KCNIP4: variants seen among roughly 807,000 people sequenced by gnomAD.
The protein encoded by KCNIP4 is Kv channel-interacting protein 4.
In KCNIP4, 12 loss-of-function variants were observed where a neutral mutation model predicts 34.0. That is an observed-to-expected ratio of 0.35 (90% CI 0.23 to 0.57). KCNIP4 has a LOEUF of 0.57. Ranked by LOEUF, KCNIP4 falls within the 20% of genes least tolerant of loss-of-function variation. The probability of loss-of-function intolerance (pLI) is 0.83; values close to 1 mark genes in which losing one functional copy is unlikely to be tolerated. For synonymous variants in KCNIP4, 124 were observed against 102.2 expected, an observed-to-expected ratio of 1.21 and a Z score of -1.29; for missense variants, 238 against 311.7, an observed-to-expected ratio of 0.76 and a Z score of 1.78.
chr4:21,247,294 C>T (rs905210510), intron 1 of KCNIP4, among the ~76,000 whole-genome samples: 1 of 152,004 alleles, frequency 6.6e-6, no homozygotes, highest in African/African-American at 2.4e-5. Context: ...GTTAGCCATC[C>T]ATACCAGTCA....
chr4:21,765,159 T>C (rs1299069300), intron 1 of KCNIP4, among the ~76,000 whole-genome samples: 1 of 20,510 alleles, frequency 4.9e-5, no homozygotes, highest in Non-Finnish European at 1.2e-4. Context: ...GAAGAGAACC[T>C]TTTTTTTTTT....
chr4:21,813,382 C>A (rs978634572), intron 1 of KCNIP4, among the ~76,000 whole-genome samples: 1 of 152,084 alleles, frequency 6.6e-6, no homozygotes, highest in South Asian at 2.1e-4. Flanking sequence ...CTACCAACAA[C>A]ACAGAGAAAA....
intron 1 of KCNIP4, among the ~76,000 whole-genome samples, chr4:21,561,790 C>T (rs1312039127): frequency 6.6e-6 from 1 of 152,020 alleles, no homozygotes; most frequent in Non-Finnish European, 1.5e-5. Context: ...ACATACATTA[C>T]ATCCTTTAAT....
chr4:21,919,632 A>T (rs1728831179), intron 1 of KCNIP4, among the ~76,000 whole-genome samples: 1 of 152,176 alleles, frequency 6.6e-6, no homozygotes, highest in African/African-American at 2.4e-5. Context: ...TAGATAAATC[A>T]TGGGGTTCCC....
chr4:20,909,769 A>T (rs1560562794), intron 1 of KCNIP4, among the ~76,000 whole-genome samples: 1 of 151,808 alleles, frequency 6.6e-6, no homozygotes, highest in African/African-American at 2.4e-5. Flanking sequence ...TGTCTATTTC[A>T]TTTTTTTTCA....
At chr4:21,035,512 A>G (rs1741374382) in intron 1 of KCNIP4, among the ~76,000 whole-genome samples, 2 of 152,300 alleles carry the variant, frequency 1.3e-5, no homozygotes, top group South Asian at 2.1e-4. Flanking sequence ...CTCATGTTTC[A>G]TATTCCTTTG....
chr4:20,852,006 C>A (rs1185910951), intron 2 of KCNIP4, among the ~76,000 whole-genome samples: 1 of 150,944 alleles, frequency 6.6e-6, no homozygotes, highest in East Asian at 1.9e-4. Flanking sequence ...CAGCATGAGA[C>A]CCTGTCTCAA....
intron 1 of KCNIP4, among the ~76,000 whole-genome samples, chr4:21,325,442 A>G (rs991200489): frequency 2.6e-5 from 4 of 151,810 alleles, no homozygotes; most frequent in African/African-American, 9.7e-5. Flanking sequence ...CATCAGTTAT[A>G]ATGACTCATT....
In KCNIP4 at chr4:21,177,494, C is replaced by T. The variant is rs572943406; in HGVS notation, c.62-294785G>A. ...GGGCTCAAAACATGGCTATTAAATG[C>T]GTAAGTAAATATTTAATAACTACTT... On this transcript the variant is annotated intron_variant, in intron 1 of 8. Transcript: ENST00000382152. 5.3e-5 allele frequency among the ~76,000 whole-genome samples: 8 copies of T among 152,152 alleles called. No individual in the cohort carries two copies. In the East Asian group the frequency reaches 1.2e-3, roughly 22 times the overall value.
chr4:21,353,229 CA>C (rs1284225597), intron 1 of KCNIP4, among the ~76,000 whole-genome samples: 1 of 152,146 alleles, frequency 6.6e-6, no homozygotes, highest in Non-Finnish European at 1.5e-5. Context: ...AAAACCAGAG[CA>C]CCTCTTCTCC....
intron 1 of KCNIP4, among the ~76,000 whole-genome samples, chr4:20,982,590 T>C (rs1229389701): frequency 6.6e-6 from 1 of 152,238 alleles, no homozygotes; most frequent in Non-Finnish European, 1.5e-5. Flanking sequence ...ATAAAGAAGA[T>C]ACGAAGATTA....
chr4:21,734,417 T>C (rs1329945230), intron 1 of KCNIP4, among the ~76,000 whole-genome samples: 1 of 152,152 alleles, frequency 6.6e-6, no homozygotes, highest in Non-Finnish European at 1.5e-5. Flanking sequence ...ATTCAGATAA[T>C]TGGCATTCTT....
intron 1 of KCNIP4, chr4:21,845,652 C>T (rs1723970083): frequency 6.6e-6 from 1 of 151,968 alleles, no homozygotes; most frequent in African/African-American, 2.4e-5. Flanking sequence ...TTTCCGAGCA[C>T]CTTATATCAG....
chr4:20,912,499 G>GT (rs1728423774), intron 1 of KCNIP4, among the ~76,000 whole-genome samples: 2 of 151,988 alleles, frequency 1.3e-5, no homozygotes, highest in South Asian at 4.1e-4. Flanking sequence ...CAACTAAAGC[G>GT]TAAGTAAGCA....
chr4:20,986,116 C>T (rs1010205761), intron 1 of KCNIP4, among the ~76,000 whole-genome samples: 1 of 152,140 alleles, frequency 6.6e-6, no homozygotes, highest in Non-Finnish European at 1.5e-5. Context: ...TCTTCAGAGG[C>T]TCTGCAAGGT....
At chr4:21,934,906 G>A (rs1186663132) in intron 1 of KCNIP4, among the ~76,000 whole-genome samples, 1 of 152,042 alleles carries the variant, frequency 6.6e-6, no homozygotes, top group Non-Finnish European at 1.5e-5. Flanking sequence ...TCTTACCAGG[G>A]TATTCCTCTA....
rs56209007 is a variant in KCNIP4 at position 20,743,920 on chromosome 4, G to GA, written c.429+5741dup. On this transcript the variant is annotated intron_variant, in intron 5 of 8. Coordinates refer to ENST00000382152, the MANE Select transcript of KCNIP4 (RefSeq NM_025221.6). The stretch of plus-strand genomic sequence containing the variant: ...ATCTACAAAGAAATTAAATTTACAA[G>GA]AAAAAAAAAAACCCTTCAAAAAGTG... Among the ~76,000 whole-genome samples the GA allele has an allele frequency of 3.1e-3, 439 of 141,802 alleles. 1 individual carries two copies. The highest frequency in any genetic ancestry group is 9.2e-3 in the African/African-American group (354 of 38,514). 93.0% of individuals were successfully genotyped at this position (141,802 alleles called of 152,430 possible). A position where few individuals can be genotyped will look rare whatever the true frequency, so the allele number is the denominator to read the frequency against.
At chr4:20,903,413 C>A (rs552029551) in intron 1 of KCNIP4, among the ~76,000 whole-genome samples, 8 of 152,030 alleles carry the variant, frequency 5.3e-5, no homozygotes, top group Non-Finnish European at 1.0e-4. Context: ...TGGTTTGGTC[C>A]AGAAAGGCAG....
At chr4:20,734,093 C>T (rs1333212033) in intron 6 of KCNIP4, among the ~76,000 whole-genome samples, 1 of 152,184 alleles carries the variant, frequency 6.6e-6, no homozygotes, top group Non-Finnish European at 1.5e-5. Flanking sequence ...GGTTAACTTA[C>T]TCCATCCCTT....
Sources: gnomAD v4.1 joint callset for allele counts (sites outside exome capture counted in the v4.1 genomes callset) on GRCh38, gnomAD v4.1.1 for gene constraint, MANE v1.5 for transcripts, NCBI Gene and HGNC (gene_info 2026-07-23, HGNC 2026-07-21) for gene names.